The following IGFL2 variants were observed in gnomAD, a reference collection of about 807,000 sequenced individuals.
IGFL2 encodes insulin growth factor-like family member 2.
Under a neutral mutation model 13.9 loss-of-function variants are expected in IGFL2, and 7 were observed. The observed-to-expected ratio is 0.51, with a 90% CI of 0.29 to 0.95. IGFL2 has a LOEUF of 0.95. Among genes scored for constraint, IGFL2 ranks in the 40% least tolerant of loss-of-function variants. IGFL2 has a pLI of 0.08. For missense variants in IGFL2, 138 were observed against 147.8 expected (o/e 0.93, Z 0.34); for synonymous variants, 55 against 55.8 (o/e 0.99, Z 0.07).
the IGFL2 span, chr19:46,173,797 T>C: frequency 9.2e-5 from 14 of 152,290 alleles, no homozygotes; most frequent in Admixed American, 9.1e-4. Flanking sequence ...GGGCAGGAAA[T>C]TGTAAACTTT....
At chr19:46,123,763 C>G in the IGFL2 span, 3 of 1,135,424 alleles carry the variant, frequency 2.6e-6, no homozygotes, top group Non-Finnish European at 3.7e-6. Context: ...TTGCTTTCCC[C>G]TGCTGCCACC....
At chr19:46,211,951 A>G in the IGFL2 span, among the ~76,000 whole-genome samples, 1 of 152,144 alleles carries the variant, frequency 6.6e-6, no homozygotes, top group Non-Finnish European at 1.5e-5. Flanking sequence ...TGATAGAATG[A>G]TATTCTACCA....
chr19:46,125,634 G>T, the IGFL2 span, among the ~76,000 whole-genome samples: 1 of 152,194 alleles, frequency 6.6e-6, no homozygotes, highest in African/African-American at 2.4e-5. Context: ...AGTTCATCCA[G>T]CCTGTACCAT....
Position 46,160,937 on chromosome 19 carries a change from G to A in IGFL2, c.341+56G>A. 7 of 1,597,044 alleles carry A rather than the reference G, an allele frequency of 4.4e-6. No individual in the cohort carries two copies. In the East Asian group the frequency reaches 6.7e-5, roughly 15 times the overall value. Reference sequence around the variant, plus strand: ...GGGGAAGGGAGGTGGAAATGAGGAGGGGAGTCTAGATGTCTTCATCACTCC... The same window carrying A: ...GGGGAAGGGAGGTGGAAATGAGGAGAGGAGTCTAGATGTCTTCATCACTCC... On this transcript the variant is annotated intron_variant, in intron 3 of 3. Coordinates refer to ENST00000377693, the MANE Select transcript of IGFL2 (RefSeq NM_001135113.2).
At chr19:46,167,595 A>T in the IGFL2 span, among the ~76,000 whole-genome samples, 2 of 152,196 alleles carry the variant, frequency 1.3e-5, no homozygotes, top group African/African-American at 4.8e-5. Context: ...CAGGGCTCAC[A>T]CTTTACTGGA....
the IGFL2 span, among the ~76,000 whole-genome samples, chr19:46,196,634 T>C: frequency 1.3e-5 from 2 of 152,204 alleles, no homozygotes; most frequent in Non-Finnish European, 2.9e-5. Context: ...CACATTGCCC[T>C]GAACCCTAGG....
the IGFL2 span, chr19:46,124,705 T>G: frequency 1.4e-6 from 2 of 1,477,298 alleles, no homozygotes; most frequent in Admixed American, 3.4e-5. Context: ...CTGGAACTTA[T>G]GGAGACAGCC....
the IGFL2 span, chr19:46,120,248 G>C: frequency 6.3e-7 from 1 of 1,592,852 alleles, no homozygotes; most frequent in South Asian, 1.1e-5. Context: ...GCTTCTCTCC[G>C]AAGTTCAACT....
chr19:46,139,942 A>T (rs1214610580), upstream of IGFL2, among the ~76,000 whole-genome samples: 1 of 151,914 alleles, frequency 6.6e-6, no homozygotes, highest in East Asian at 1.9e-4. Context: ...ACGCACTCAC[A>T]CACACACACA....
At chr19:46,184,180 A>G in the IGFL2 span, among the ~76,000 whole-genome samples, 1 of 152,184 alleles carries the variant, frequency 6.6e-6, no homozygotes, top group African/African-American at 2.4e-5. Flanking sequence ...GTCATAATCA[A>G]CCACAAAATG....
At chr19:46,148,184 C>A, upstream of IGFL2, 1 of 1,188,276 alleles carries the variant, frequency 8.4e-7, no homozygotes, top group Non-Finnish European at 1.2e-6. Flanking sequence ...GGGCACCTCC[C>A]TAAATGTGGA....
chr19:46,080,380 C>G, the IGFL2 span, among the ~76,000 whole-genome samples: 1 of 151,386 alleles, frequency 6.6e-6, no homozygotes, highest in African/African-American at 2.4e-5. Context: ...GATCCCATCT[C>G]TATTTATTTT....
chr19:46,128,726 T>G, the IGFL2 span, among the ~76,000 whole-genome samples: 50 of 152,344 alleles, frequency 3.3e-4, no homozygotes, highest in African/African-American at 1.1e-3. Context: ...GCTTTTCATG[T>G]GCTGCTGGAT....
chr19:46,134,192 G>A, the IGFL2 span, among the ~76,000 whole-genome samples: 2 of 152,298 alleles, frequency 1.3e-5, no homozygotes, highest in South Asian at 4.2e-4. Context: ...AATCTTGGTT[G>A]TCTCCTAAGA....
the IGFL2 span, among the ~76,000 whole-genome samples, chr19:46,194,854 T>A: frequency 0.022 from 403 of 18,388 alleles, 2 homozygotes; most frequent in Non-Finnish European, 0.038. Context: ...ATATATATAT[T>A]TTTTTTTTTT....
the IGFL2 span, among the ~76,000 whole-genome samples, chr19:46,085,280 T>C: frequency 1.3e-5 from 2 of 152,082 alleles, no homozygotes; most frequent in South Asian, 2.1e-4. Context: ...ACAAAAAAAC[T>C]TAAAGCTCCA....
At chr19:46,197,883 G>A in the IGFL2 span, among the ~76,000 whole-genome samples, 1 of 151,900 alleles carries the variant, frequency 6.6e-6, no homozygotes, top group Non-Finnish European at 1.5e-5. Flanking sequence ...TCACAGATGG[G>A]GTTTTGTCAT....
At chr19:46,110,682 G>C in the IGFL2 span, among the ~76,000 whole-genome samples, 1 of 152,044 alleles carries the variant, frequency 6.6e-6, no homozygotes, top group Non-Finnish European at 1.5e-5. Context: ...GTTTACTGTA[G>C]GTGTTTGTTT....
the IGFL2 span, chr19:46,123,972 G>T: frequency 1.2e-6 from 2 of 1,611,392 alleles, no homozygotes; most frequent in Admixed American, 1.7e-5. Context: ...TCTGCTGGGG[G>T]CCAAAAGACT....
Sources: allele counts gnomAD v4.1 joint callset (sites outside exome capture counted in the v4.1 genomes callset), GRCh38; gene constraint gnomAD v4.1.1; transcripts MANE v1.5; gene names NCBI Gene and HGNC (gene_info 2026-07-23, HGNC 2026-07-21).